The following RNLS variants were observed in gnomAD, a reference collection of about 807,000 sequenced individuals.
RNLS encodes renalase.
In RNLS, 39 loss-of-function variants were observed where a neutral mutation model predicts 39.8. The ratio of observed to expected loss-of-function variants is 0.98; its 90% confidence interval spans 0.76 to 1.28. The LOEUF (loss-of-function observed/expected upper bound fraction) is 1.28, where lower values mean the gene tolerates loss of function less well. RNLS is among the 50% of genes most tolerant of loss of function. RNLS has a pLI of 0.00. For synonymous variants in RNLS, 147 were observed against 150.7 expected, an observed-to-expected ratio of 0.98 and a Z score of 0.18; for missense variants, 410 against 413.3, an observed-to-expected ratio of 0.99 and a Z score of 0.07.
Position 88,581,673 on chromosome 10 carries a change from C to A in RNLS, c.261G>T (p.Arg87Ser), listed in dbSNP as rs1268211172. Residue 87 changes from arginine (R) to serine (S), a missense_variant, in exon 3 of 7, where the codon AGG becomes AGT. Transcript: ENST00000331772. ...YDELLAYGVL[R>S]PLSSPIEGMV... Reference sequence around the variant, plus strand: ...TTCCTTCAATAGGCGAGCTTAGAGGCCTCAAAACGCCATAGGCTAACAGTT... The same window carrying A: ...TTCCTTCAATAGGCGAGCTTAGAGGACTCAAAACGCCATAGGCTAACAGTT... The A allele has an allele frequency of 1.9e-6, 3 of 1,593,006 alleles. No individual in the cohort carries two copies. Among genetic ancestry groups the A allele is most frequent in the Non-Finnish European group, 2.6e-6 (3 of 1,170,478 alleles).
chr10:88,562,138 T>C (rs1003765321), intron 4 of RNLS, among the ~76,000 whole-genome samples: 4 of 152,188 alleles, frequency 2.6e-5, no homozygotes, highest in African/African-American at 9.7e-5. Flanking sequence ...ATACTTATTA[T>C]AACATACAGG....
chr10:88,264,290 G>A, the RNLS span, among the ~76,000 whole-genome samples: 1 of 152,120 alleles, frequency 6.6e-6, no homozygotes, highest in Non-Finnish European at 1.5e-5. Flanking sequence ...CATGCATGTG[G>A]AAGTATCTTT....
exon 7 of RNLS, chr10:88,274,361 T>C (rs1346825697): frequency 1.3e-5 from 2 of 152,662 alleles, no homozygotes; most frequent in African/African-American, 4.8e-5. Context: ...TGCCCTCTTC[T>C]CCCAGCCCTT....
chr10:88,455,784 A>G (rs978092532), intron 4 of RNLS, among the ~76,000 whole-genome samples: 2 of 152,220 alleles, frequency 1.3e-5, no homozygotes, highest in African/African-American at 4.8e-5. Context: ...CACAGTATTT[A>G]CATTTCTGTT....
chr10:88,237,617 T>A, the RNLS span, among the ~76,000 whole-genome samples: 2 of 152,218 alleles, frequency 1.3e-5, no homozygotes, highest in African/African-American at 2.4e-5. Flanking sequence ...AAAGACTTTC[T>A]AAGACATTTC....
chr10:88,242,678 C>T, the RNLS span, among the ~76,000 whole-genome samples: 1,096 of 152,278 alleles, frequency 7.2e-3, 10 homozygotes, highest in South Asian at 9.7e-3. Flanking sequence ...AGGCTGGGCA[C>T]GGTGGCTTAT....
chr10:88,533,491 A>G (rs528294670), intron 4 of RNLS, among the ~76,000 whole-genome samples: 1 of 152,312 alleles, frequency 6.6e-6, no homozygotes, highest in Non-Finnish European at 1.5e-5. Context: ...TCAGATTTTT[A>G]AAAGGGTTTT....
At chr10:88,178,813 T>C in the RNLS span, among the ~76,000 whole-genome samples, 5 of 152,204 alleles carry the variant, frequency 3.3e-5, no homozygotes, top group Admixed American at 1.3e-4. Context: ...GGAGATCTTA[T>C]CAGGGGAGAA....
At chr10:88,188,615 G>A in the RNLS span, among the ~76,000 whole-genome samples, 1,414 of 152,324 alleles carry the variant, frequency 9.3e-3, 24 homozygotes, top group African/African-American at 0.03. Flanking sequence ...ACCAGTGGCT[G>A]AAGACCCACA....
chr10:88,481,804 A>G (rs1472001557), intron 4 of RNLS, among the ~76,000 whole-genome samples: 1 of 152,002 alleles, frequency 6.6e-6, no homozygotes, highest in Admixed American at 6.6e-5. Context: ...TTTTCTGTGA[A>G]TTTGAGTTAT....
At chr10:88,525,259 C>T (rs1847044073) in intron 4 of RNLS, among the ~76,000 whole-genome samples, 1 of 151,498 alleles carries the variant, frequency 6.6e-6, no homozygotes, top group Non-Finnish European at 1.5e-5. Context: ...ACGAGAGAAC[C>T]TGTAACTTCA....
chr10:88,232,921 G>A, the RNLS span, among the ~76,000 whole-genome samples: 5 of 152,156 alleles, frequency 3.3e-5, no homozygotes, highest in African/African-American at 1.2e-4. Context: ...ACCTACTATG[G>A]GTCAGGCACT....
At chr10:88,511,179 CCTT>C (rs1217869833) in intron 4 of RNLS, among the ~76,000 whole-genome samples, 2 of 152,098 alleles carry the variant, frequency 1.3e-5, no homozygotes, top group African/African-American at 4.8e-5. Context: ...AGGTTCCAAG[CCTT>C]CTACAGCTGC....
intron 5 of RNLS, among the ~76,000 whole-genome samples, chr10:88,333,242 A>G (rs1847245053): frequency 6.6e-6 from 1 of 152,216 alleles, no homozygotes; most frequent in South Asian, 2.1e-4. Context: ...TCTTTAATGG[A>G]AAGATATTAT....
In RNLS at chr10:88,395,099, C is replaced by T. The variant is rs555226331; in HGVS notation, c.527-32374G>A. On this transcript the variant is annotated intron_variant, in intron 4 of 6. Coordinates refer to ENST00000331772, the MANE Select transcript of RNLS (RefSeq NM_001031709.3). ...AGGAGATATACCTAATGCTAAATGA[C>T]GAGTTAATGGATGCAGCACACCAAC... Among the ~76,000 whole-genome samples the T allele has an allele frequency of 1.4e-3, 216 of 151,628 alleles. 2 individuals are homozygous for T. Among genetic ancestry groups the T allele is most frequent in the African/African-American group, 4.7e-3 (195 of 41,332 alleles).
the RNLS span, among the ~76,000 whole-genome samples, chr10:88,248,233 C>T: frequency 9.2e-5 from 14 of 152,166 alleles, no homozygotes; most frequent in Non-Finnish European, 1.8e-4. Context: ...CTAGAGTCTT[C>T]GTCTGGATTC....
intron 4 of RNLS, among the ~76,000 whole-genome samples, chr10:88,503,363 G>A (rs895711093): frequency 6.6e-5 from 10 of 152,084 alleles, no homozygotes; most frequent in African/African-American, 2.4e-4. Context: ...CCTGGGCAAT[G>A]AAGTGAAACT....
At chr10:88,465,913 T>C (rs1843177849) in intron 4 of RNLS, among the ~76,000 whole-genome samples, 1 of 152,098 alleles carries the variant, frequency 6.6e-6, no homozygotes, top group Non-Finnish European at 1.5e-5. Context: ...CATGGAGTCC[T>C]AGGGCTTCAG....
the RNLS span, among the ~76,000 whole-genome samples, chr10:88,216,975 CAGTT>C: frequency 3.3e-5 from 5 of 152,040 alleles, no homozygotes; most frequent in East Asian, 7.7e-4. Flanking sequence ...GGCATTCTAG[CAGTT>C]AGTTCAGTAG....
Sources: gnomAD v4.1 joint callset for allele counts (sites outside exome capture counted in the v4.1 genomes callset) on GRCh38, gnomAD v4.1.1 for gene constraint, MANE v1.5 for transcripts, NCBI Gene and HGNC (gene_info 2026-07-23, HGNC 2026-07-21) for gene names.